STK24: variants seen among roughly 807,000 people sequenced by gnomAD.
STK24 encodes the protein serine/threonine-protein kinase 24.
STK24 carries 21 observed loss-of-function variants against 55.6 expected under a neutral mutation model. That is an observed-to-expected ratio of 0.38 (90% CI 0.27 to 0.54). The LOEUF is 0.54. Among genes scored for constraint, STK24 ranks in the 20% least tolerant of loss-of-function variants. The probability of loss-of-function intolerance (pLI) is 0.79; values close to 1 mark genes in which losing one functional copy is unlikely to be tolerated. For missense variants in STK24, 383 were observed against 538.4 expected (o/e 0.71, Z 2.86); for synonymous variants, 200 against 215.2 (o/e 0.93, Z 0.62).
At chr13:98,456,812 A>T (rs1442724426) in intron 10 of STK24, 2 of 385,652 alleles carry the variant, frequency 5.2e-6, no homozygotes, top group Non-Finnish European at 9.8e-6. Flanking sequence ...TTTAAAGCCG[A>T]AAACCAGATA....
intron 1 of STK24, among the ~76,000 whole-genome samples, chr13:98,548,677 C>T (rs2139431280): frequency 6.6e-6 from 1 of 152,150 alleles, no homozygotes; most frequent in Middle Eastern, 3.4e-3. Context: ...CCCTGGCCAA[C>T]ATGGCGAAAC....
In STK24 at chr13:98,503,024, G is replaced by GTTT. The variant is rs398038978; in HGVS notation, c.273+16216_273+16218dup. ...AATATATTAGAAATACTTTCCATGT[G>GTTT]TTTTTTTTTTTTTTTTTCAGTATGG... On this transcript the variant is annotated intron_variant, in intron 2 of 10. Coordinates refer to ENST00000539966, the MANE Select transcript of STK24 (RefSeq NM_001032296.4). Among the ~76,000 whole-genome samples the GTTT allele has an allele frequency of 1.5e-4, 16 of 107,078 alleles. 1 individual carries two copies. The highest frequency in any genetic ancestry group is 2.4e-4 in the African/African-American group (6 of 25,010). The allele number at this position is 107,078 out of a possible 152,430, so 70.2% of individuals were successfully genotyped here.
chr13:98,573,121 A>C (rs1179104476), intron 1 of STK24, among the ~76,000 whole-genome samples: 1 of 152,242 alleles, frequency 6.6e-6, no homozygotes, highest in Non-Finnish European at 1.5e-5. Flanking sequence ...GGTCCCAAGC[A>C]TTTTGGATGA....
intron 3 of STK24, among the ~76,000 whole-genome samples, chr13:98,478,163 C>T (rs925516337): frequency 3.9e-5 from 6 of 152,184 alleles, no homozygotes; most frequent in African/African-American, 9.6e-5. Flanking sequence ...AGCTGGTGTT[C>T]GCCATTGCGA....
At chr13:98,548,068 C>T (rs1897071006) in intron 1 of STK24, among the ~76,000 whole-genome samples, 1 of 152,168 alleles carries the variant, frequency 6.6e-6, no homozygotes, top group Non-Finnish European at 1.5e-5. Flanking sequence ...AAGAGAAGAA[C>T]GTGGAGTCTA....
At chr13:98,494,338 C>T (rs1895162572) in intron 2 of STK24, among the ~76,000 whole-genome samples, 1 of 140,742 alleles carries the variant, frequency 7.1e-6, no homozygotes, top group African/African-American at 2.6e-5. Flanking sequence ...GGCGTGGACC[C>T]GGGAGGCAGA....
At chr13:98,554,529 A>G (rs1055701873) in intron 1 of STK24, among the ~76,000 whole-genome samples, 1 of 152,126 alleles carries the variant, frequency 6.6e-6, no homozygotes, top group Non-Finnish European at 1.5e-5. Context: ...TTCCCCATTA[A>G]ACCTGGCATT....
rs764362254 is a variant in STK24 at position 98,482,254 on chromosome 13, A to G, written c.330+11T>C. On this transcript the variant is annotated intron_variant, in intron 3 of 10. Transcript: ENST00000539966. ...CTTTGATACGTATTCTGCATCCAAC[A>G]TAATACTTACTAGATCTAGTGCGGA... 17 of 1,531,052 alleles carry G rather than the reference A, an allele frequency of 1.1e-5. No homozygotes were observed. Among genetic ancestry groups the G allele is most frequent in the Admixed American group, 1.9e-5 (1 of 51,436 alleles). 94.8% of individuals were successfully genotyped at this position (1,531,052 alleles called of 1,614,324 possible).
At position 98,448,962 on chromosome 13, in the gene STK24, C is replaced by G. The variant is rs1335991705; in HGVS notation, c.*4211G>C. On this transcript the variant is annotated 3_prime_UTR_variant, in exon 11 of 11. Transcript: ENST00000539966. ...AACCTACTTCTTGGTGCAAGTTGAC[C>G]AAATCGTTTTAAGTGGTAACTCTTT... is the stretch of plus-strand genomic sequence containing the variant. 2.6e-5 allele frequency: 4 copies of G among 152,196 alleles called. No homozygotes were observed. Among genetic ancestry groups the G allele is most frequent in the Non-Finnish European group, 5.9e-5 (4 of 68,072 alleles). The allele number at this position is 152,196 out of a possible 1,614,324, so 9.4% of individuals were successfully genotyped here.
rs924887036 is a variant in STK24 at position 98,496,879 on chromosome 13, C to T, written c.274-14558G>A. Among the ~76,000 whole-genome samples, 114 of 152,272 alleles carry T rather than the reference C, an allele frequency of 7.5e-4. 1 individual carries two copies. The highest frequency in any genetic ancestry group is 1.6e-4 in the Non-Finnish European group (11 of 68,018). ...AATCAATTTTGTTTAAAATCACCAG[C>T]CAAAAACCTAAGAAAACAACGCAGA... On this transcript the variant is annotated intron_variant, in intron 2 of 10. Coordinates refer to ENST00000539966, the MANE Select transcript of STK24 (RefSeq NM_001032296.4).
chr13:98,576,837 C>T lies in STK24; in HGVS notation c.-51G>A, dbSNP rs1175817535. ...GACGGGACGGCCGGGCCGCGACGAT[C>T]CGCGCGGGGCGGCGAGGCCCGCGGG... On this transcript the variant is annotated 5_prime_UTR_variant, in exon 1 of 11. Coordinates refer to ENST00000539966, the MANE Select transcript of STK24 (RefSeq NM_001032296.4). 8.8e-7 allele frequency: 1 copy of T among 1,135,032 alleles called. No individual in the cohort carries two copies. Among genetic ancestry groups the T allele is most frequent in the East Asian group, 4.5e-5 (1 of 22,270 alleles). The allele number at this position is 1,135,032 out of a possible 1,614,324, so 70.3% of individuals were successfully genotyped here. A position where few individuals can be genotyped will look rare whatever the true frequency, so the allele number is the denominator to read the frequency against.
At position 98,445,778 on chromosome 13, in the gene STK24, C is replaced by CGGTG; in HGVS notation, c.*7394_*7395insCACC. 8.8e-6 allele frequency: 2 copies of CGGTG among 226,504 alleles called. No individual in the cohort carries two copies. The highest frequency in any genetic ancestry group is 8.9e-6 in the Non-Finnish European group (1 of 112,718). The allele number at this position is 226,504 out of a possible 1,614,324, so 14.0% of individuals were successfully genotyped here. On this transcript the variant is annotated 3_prime_UTR_variant, in exon 11 of 11. Transcript: ENST00000539966. The stretch of plus-strand genomic sequence containing the variant: ...GGCCCACCCTACCCCAGTGTGATCT[C>CGGTG]GTCTTCACTAGTTACCCTGCAACGA...
chr13:98,569,851 G>C (rs889526460), intron 1 of STK24, among the ~76,000 whole-genome samples: 1 of 120,310 alleles, frequency 8.3e-6, no homozygotes, highest in African/African-American at 3.0e-5. Context: ...CCTGAAACCA[G>C]GAAAAAAAAA....
In STK24 at chr13:98,569,346, G is replaced by A. The variant is rs1317330511; in HGVS notation, c.42+7399C>T. On this transcript the variant is annotated intron_variant, in intron 1 of 10. Coordinates refer to ENST00000539966, the MANE Select transcript of STK24 (RefSeq NM_001032296.4). ...CTGTCTCCCACGCTGCCTATTCACA[G>A]AAAATGGCGCACTATATGCCCAACC... 3.4e-5 allele frequency among the ~76,000 whole-genome samples: 5 copies of A among 147,614 alleles called. No homozygotes were observed. In the Admixed American group the frequency reaches 3.4e-4, roughly 10 times the overall value.
chr13:98,483,846 A>G (rs561018892), intron 2 of STK24, among the ~76,000 whole-genome samples: 17 of 152,246 alleles, frequency 1.1e-4, no homozygotes, highest in Non-Finnish European at 2.4e-4. Flanking sequence ...TTTATAAAAT[A>G]CATTCCTCTC....
intron 2 of STK24, among the ~76,000 whole-genome samples, chr13:98,494,428 A>AAAAAAAAAAAAAAAAAAAAAAT (rs58955737): frequency 6.7e-6 from 1 of 148,884 alleles, no homozygotes; most frequent in Non-Finnish European, 1.5e-5. Context: ...AAAAAAAAAA[A>AAAAAAAAAAAAAAAAAAAAAAT]GTGCCTCTAA....
chr13:98,576,660 C>A, intron 1 of STK24, 85 bp downstream of exon 1: 1 of 1,229,130 alleles, frequency 8.1e-7, no homozygotes, highest in Non-Finnish European at 1.1e-6. Context: ...GCCGGCTGAG[C>A]GTAGGGGGAC....
At position 98,453,107 on chromosome 13, in the gene STK24, T is replaced by G; in HGVS notation, c.*66A>C. ...GGAGTCAGCGAAGGCTCTCGTTGAC[T>G]TTTAAAAAAGGAGGAGGATGAAGAA... On this transcript the variant is annotated 3_prime_UTR_variant, in exon 11 of 11. Coordinates refer to ENST00000539966, the MANE Select transcript of STK24 (RefSeq NM_001032296.4). 1 of 1,594,772 alleles carries G rather than the reference T, an allele frequency of 6.3e-7. No individual in the cohort carries two copies. Among genetic ancestry groups the G allele is most frequent in the Non-Finnish European group, 8.6e-7 (1 of 1,165,732 alleles).
intron 1 of STK24, among the ~76,000 whole-genome samples, chr13:98,550,942 G>A (rs1185816623): frequency 1.3e-5 from 2 of 151,688 alleles, no homozygotes; most frequent in East Asian, 3.9e-4. Context: ...TGAAGATTAA[G>A]TTCAACTTAA....
Sources: gnomAD v4.1 joint callset for allele counts (sites outside exome capture counted in the v4.1 genomes callset) on GRCh38, gnomAD v4.1.1 for gene constraint, MANE v1.5 for transcripts, NCBI Gene and HGNC (gene_info 2026-07-23, HGNC 2026-07-21) for gene names.